TRAK2: variants seen among roughly 807,000 people sequenced by gnomAD.
TRAK2 encodes trafficking kinesin-binding protein 2.
In TRAK2, 81 loss-of-function variants were observed where a neutral mutation model predicts 104.6. That is an observed-to-expected ratio of 0.77 (90% confidence interval 0.65 to 0.93). The LOEUF (loss-of-function observed/expected upper bound fraction) is 0.93. TRAK2 is among the 40% of genes least tolerant of loss of function. The pLI is 0.00. For synonymous variants in TRAK2, 406 were observed against 394.4 expected, an observed-to-expected ratio of 1.03 and a Z score of -0.35; for missense variants, 1,002 against 1,089.0, an observed-to-expected ratio of 0.92 and a Z score of 1.12.
Position 201,399,465 on chromosome 2 carries a change from C to T in TRAK2, c.392G>A (p.Arg131Gln), listed in dbSNP as rs1250029879. The change falls in exon 5 of 16, where the codon CGA becomes CAA. Residue 131 changes from arginine to glutamine, a missense_variant. Transcript: ENST00000332624. ...ERDRDLELAA[R>Q]IGQALLKRNH... ...CCGCTTTAAGAGAGCTTGTCCAATT[C>T]GAGCAGCGAGTTCCAGATCACGATC... 9 of 1,612,438 alleles carry T rather than the reference C, an allele frequency of 5.6e-6. No homozygotes were observed. The African/African-American group carries it at 6.7e-5, about 12-fold the overall frequency.
At chr2:201,388,261 T>C (rs533629009) in intron 12 of TRAK2, among the ~76,000 whole-genome samples, 1 of 152,362 alleles carries the variant, frequency 6.6e-6, no homozygotes, top group Non-Finnish European at 1.5e-5. Flanking sequence ...TTCTATTTCA[T>C]TTAATTTATG....
At chr2:201,431,702 C>T (rs1951843703) in intron 1 of TRAK2, among the ~76,000 whole-genome samples, 1 of 152,158 alleles carries the variant, frequency 6.6e-6, no homozygotes, top group African/African-American at 2.4e-5. Flanking sequence ...GTAATATTCA[C>T]AGGATCCAGG....
At chr2:201,426,660 G>C (rs1951791354) in intron 1 of TRAK2, among the ~76,000 whole-genome samples, 1 of 152,310 alleles carries the variant, frequency 6.6e-6, no homozygotes, top group East Asian at 1.9e-4. Context: ...TAGCAGAATA[G>C]AGAAAACCAA....
At chr2:201,433,882 C>G (rs1951862028) in intron 1 of TRAK2, among the ~76,000 whole-genome samples, 1 of 152,210 alleles carries the variant, frequency 6.6e-6, no homozygotes, top group African/African-American at 2.4e-5. Context: ...CAGTCAGTCA[C>G]ATTTCTTCGC....
Position 201,412,049 on chromosome 2 carries a change from A to C in TRAK2, c.92-4452T>G. The C allele has an allele frequency of 2.7e-6, 3 of 1,094,144 alleles. No individual in the cohort carries two copies. The South Asian group carries it at 3.7e-5, about 14-fold the overall frequency. The allele number at this position is 1,094,144 out of a possible 1,614,324, so 67.8% of individuals were successfully genotyped here. A position where few individuals can be genotyped will look rare whatever the true frequency, so the allele number is the denominator to read the frequency against. On this transcript the variant is annotated intron_variant, in intron 2 of 15. Transcript: ENST00000332624. The stretch of plus-strand genomic sequence containing the variant: ...CATTTTTTGTAGGAAAATTAACAAA[A>C]TCTGGATTGGCTCCTGCTGCTTAAA...
intron 1 of TRAK2, among the ~76,000 whole-genome samples, chr2:201,448,968 T>A (rs2125665963): frequency 6.6e-6 from 1 of 152,308 alleles, no homozygotes; most frequent in South Asian, 2.1e-4. Context: ...ATTACAGGTG[T>A]GAGTCACCAC....
In TRAK2 at chr2:201,398,169, T is replaced by C; in HGVS notation, c.666A>G (p.Glu222=). 1 of 1,613,688 alleles carries C rather than the reference T, an allele frequency of 6.2e-7. No individual in the cohort carries two copies. The highest frequency in any genetic ancestry group is 8.5e-7 in the Non-Finnish European group (1 of 1,179,640). The change falls in exon 6 of 16, where the codon GAA becomes GAG. Residue 222 remains glutamate (E), a synonymous_variant. Coordinates refer to ENST00000332624, the MANE Select transcript of TRAK2 (RefSeq NM_015049.3). Reference sequence around the variant, plus strand: ...CCTTGGATCGAAGAGCCATATTCTCTTCTTCCAGTTCCTTGAGCTTTTCTT... The same window carrying C: ...CCTTGGATCGAAGAGCCATATTCTCCTCTTCCAGTTCCTTGAGCTTTTCTT... ...MLQEKLKELE[E]ENMALRSKAC... is the part of the protein sequence containing the mutation.
rs1270418279 is a variant in TRAK2 at position 201,389,835 on chromosome 2, T to C, written c.1159A>G (p.Ser387Gly). 6.2e-7 allele frequency: 1 copy of C among 1,613,718 alleles called. No homozygotes were observed. Among genetic ancestry groups the C allele is most frequent in the Non-Finnish European group, 8.5e-7 (1 of 1,179,922 alleles). Reference protein sequence around the residue: ...EIEGTMRKKLSLDEESSLFKQ... With the variant: ...EIEGTMRKKLGLDEESSLFKQ... ...AAGAGAGAAGATTCCTCATCCAAAC[T>C]CAGCTTTTTACGCATAGTCCCCTCA... is the stretch of plus-strand genomic sequence containing the variant. The change falls in exon 11 of 16, where the codon AGT (serine) becomes GGT (glycine). Residue 387 changes from serine to glycine, a missense_variant. Coordinates refer to ENST00000332624, the MANE Select transcript of TRAK2 (RefSeq NM_015049.3).
rs1372627858 is a variant in TRAK2 at position 201,379,854 on chromosome 2, A to G, written c.*689T>C. The G allele has an allele frequency of 1.3e-5, 2 of 152,246 alleles. No homozygotes were observed. Among genetic ancestry groups the G allele is most frequent in the African/African-American group, 4.8e-5 (2 of 41,412 alleles). The allele number at this position is 152,246 out of a possible 1,614,324, so 9.4% of individuals were successfully genotyped here. A position where few individuals can be genotyped will look rare whatever the true frequency, so the allele number is the denominator to read the frequency against. On this transcript the variant is annotated 3_prime_UTR_variant, in exon 16 of 16. Coordinates refer to ENST00000332624, the MANE Select transcript of TRAK2 (RefSeq NM_015049.3). ...GGTTGTATAAAAATACAAATTTAAA[A>G]AATGAACTTTTATTAATCATAAATA...
At chr2:201,400,042 G>C (rs1184893995) in intron 4 of TRAK2, among the ~76,000 whole-genome samples, 1 of 152,108 alleles carries the variant, frequency 6.6e-6, no homozygotes, top group Non-Finnish European at 1.5e-5. Context: ...GTTCAAGAAT[G>C]ATGATATGAA....
At chr2:201,382,414 T>G (rs1434544787) in intron 15 of TRAK2, among the ~76,000 whole-genome samples, 1 of 152,180 alleles carries the variant, frequency 6.6e-6, no homozygotes, top group African/African-American at 2.4e-5. Flanking sequence ...AGCACCAACT[T>G]GTATAGGAAC....
chr2:201,387,632 A>G, intron 13 of TRAK2, 71 bp downstream of exon 13: 1 of 1,422,394 alleles, frequency 7.0e-7, no homozygotes, highest in South Asian at 1.4e-5. Flanking sequence ...TTAAGACACA[A>G]ATCTCAATTC....
intron 15 of TRAK2, 54 bp downstream of exon 15, chr2:201,384,057 T>C (rs1951366445): frequency 1.7e-6 from 2 of 1,149,026 alleles, no homozygotes; most frequent in South Asian, 2.7e-5. Context: ...AAGAAATTCA[T>C]GAAAATATAG....
intron 1 of TRAK2, among the ~76,000 whole-genome samples, chr2:201,432,228 C>T (rs1951847938): frequency 6.6e-6 from 1 of 152,162 alleles, no homozygotes; most frequent in South Asian, 2.1e-4. Flanking sequence ...CATTCTCTTC[C>T]TGTCTCTTGG....
At chr2:201,427,740 T>C (rs773995812) in intron 1 of TRAK2, among the ~76,000 whole-genome samples, 1 of 152,244 alleles carries the variant, frequency 6.6e-6, no homozygotes, top group Non-Finnish European at 1.5e-5. Flanking sequence ...CCTCGAGGAA[T>C]CACCACACTG....
At position 201,411,640 on chromosome 2, in the gene TRAK2, T is replaced by C. The variant is rs1007517508; in HGVS notation, c.92-4043A>G. The C allele has an allele frequency of 1.4e-5, 11 of 803,430 alleles. No homozygotes were observed. In the African/African-American group the frequency reaches 1.5e-4, roughly 11 times the overall value. The allele number at this position is 803,430 out of a possible 1,614,324, so 49.8% of individuals were successfully genotyped here. A position where few individuals can be genotyped will look rare whatever the true frequency, so the allele number is the denominator to read the frequency against. The stretch of plus-strand genomic sequence containing the variant: ...AATACTTTTCCAGTCAGCTGCTCTT[T>C]GGTGATTCCCAACTTATGAGTAAAA... On this transcript the variant is annotated intron_variant, in intron 2 of 15. Transcript: ENST00000332624.
rs975840187 is a variant in TRAK2 at position 201,389,785 on chromosome 2, T to A, written c.1193+16A>T. 6.3e-7 allele frequency: 1 copy of A among 1,595,550 alleles called. No homozygotes were observed. The highest frequency in any genetic ancestry group is 2.2e-5 in the East Asian group (1 of 44,794). On this transcript the variant is annotated intron_variant, in intron 11 of 15. Transcript: ENST00000332624. Reference sequence around the variant, plus strand: ...ATTCCAATGATTGAGTAACAACACATGTGACCTGTACTTACTTTTGTTTAA... The same window carrying A: ...ATTCCAATGATTGAGTAACAACACAAGTGACCTGTACTTACTTTTGTTTAA...
chr2:201,425,951 T>G lies in TRAK2; in HGVS notation c.-199-5245A>C, dbSNP rs189417521. 1.1e-4 allele frequency among the ~76,000 whole-genome samples: 16 copies of G among 152,308 alleles called. No individual in the cohort carries two copies. The East Asian group carries it at 2.7e-3, about 26-fold the overall frequency. ...CACCACTCTGTTACATACTAGCTGATTTGATTATACATTTACCATTTATTT... is the reference window on the plus strand; with the variant it reads ...CACCACTCTGTTACATACTAGCTGAGTTGATTATACATTTACCATTTATTT... On this transcript the variant is annotated intron_variant, in intron 1 of 15. Coordinates refer to ENST00000332624, the MANE Select transcript of TRAK2 (RefSeq NM_015049.3).
At chr2:201,421,131 GA>G (rs1437796063) in intron 1 of TRAK2, among the ~76,000 whole-genome samples, 1 of 152,098 alleles carries the variant, frequency 6.6e-6, no homozygotes, top group Non-Finnish European at 1.5e-5. Flanking sequence ...TTTTTAAAAA[GA>G]TAACTGTTTA....
Sources: gnomAD v4.1 joint callset for allele counts (sites outside exome capture counted in the v4.1 genomes callset) on GRCh38, gnomAD v4.1.1 for gene constraint, MANE v1.5 for transcripts, NCBI Gene and HGNC (gene_info 2026-07-23, HGNC 2026-07-21) for gene names.